VWA8: variants seen among roughly 807,000 people sequenced by gnomAD.
The protein encoded by VWA8 is von Willebrand factor A domain containing 8, also known as von Willebrand factor A domain-containing protein 8.
In VWA8, 221 loss-of-function variants were observed where a neutral mutation model predicts 241.5. That is an observed-to-expected ratio of 0.91 (90% CI 0.82 to 1.02). The LOEUF is 1.02. VWA8 is among the 50% of genes least tolerant of loss of function. VWA8 has a pLI of 0.00. For synonymous variants in VWA8, 852 were observed against 827.1 expected (o/e 1.03, Z -0.52); for missense variants, 2,322 against 2,328.7 (o/e 1.00, Z 0.06).
intron 2 of VWA8, among the ~76,000 whole-genome samples, chr13:41,923,395 T>G (rs368761049): frequency 1.3e-5 from 2 of 152,200 alleles, no homozygotes; most frequent in South Asian, 2.1e-4. Flanking sequence ...GTAACTAACC[T>G]GCACGTTGTG....
chr13:41,703,486 T>C, intron 26 of VWA8, 75 bp from the exon 27 acceptor site: 3 of 1,255,014 alleles, frequency 2.4e-6, no homozygotes, highest in African/African-American at 1.5e-5. Flanking sequence ...CGGCATCTAT[T>C]ATCAACCACA....
chr13:41,784,658 GTC>G (rs57574031), intron 18 of VWA8, among the ~76,000 whole-genome samples: 32 of 103,786 alleles, frequency 3.1e-4, no homozygotes, highest in Non-Finnish European at 4.3e-4. Flanking sequence ...GTGCAACCTT[GTC>G]TCTCTCTCTC....
intron 21 of VWA8, among the ~76,000 whole-genome samples, chr13:41,748,341 C>T (rs1169828999): frequency 3.3e-5 from 5 of 152,076 alleles, no homozygotes; most frequent in African/African-American, 7.2e-5. Context: ...GTGTATGTGT[C>T]GAGGAATTTA....
At chr13:41,718,372 C>G (rs369213633) in intron 26 of VWA8, among the ~76,000 whole-genome samples, 2 of 151,884 alleles carry the variant, frequency 1.3e-5, no homozygotes, top group Non-Finnish European at 2.9e-5. Context: ...CATTAAATTA[C>G]TGACCTAGTT....
At chr13:41,619,899 G>A (rs1348228639) in intron 37 of VWA8, among the ~76,000 whole-genome samples, 7 of 152,034 alleles carry the variant, frequency 4.6e-5, no homozygotes, top group African/African-American at 7.3e-5. Context: ...TTTTTGCATC[G>A]ATGTTCATCA....
At chr13:41,700,600 T>G (rs1006978315) in intron 28 of VWA8, among the ~76,000 whole-genome samples, 1 of 152,234 alleles carries the variant, frequency 6.6e-6, no homozygotes, top group Non-Finnish European at 1.5e-5. Flanking sequence ...AACTGTTTTC[T>G]CTTTTTGCAG....
At chr13:41,594,346 T>C (rs2044474960) in intron 40 of VWA8, among the ~76,000 whole-genome samples, 1 of 151,872 alleles carries the variant, frequency 6.6e-6, no homozygotes, top group East Asian at 1.9e-4. Flanking sequence ...CCCAGGTTGG[T>C]CTCAAACTCC....
At chr13:41,700,470 G>A (rs1282705465) in intron 28 of VWA8, among the ~76,000 whole-genome samples, 1 of 151,938 alleles carries the variant, frequency 6.6e-6, no homozygotes, top group Non-Finnish European at 1.5e-5. Context: ...TATAATTTAT[G>A]GATCTTTCAT....
In VWA8 at chr13:41,904,178, T is replaced by C. The variant is rs201350171; in HGVS notation, c.483+3408A>G. Among the ~76,000 whole-genome samples, 14 of 152,332 alleles carry C rather than the reference T, an allele frequency of 9.2e-5. No individual in the cohort carries two copies. In the East Asian group the frequency reaches 2.7e-3, roughly 29 times the overall value. ...GTTTCATCTAAATAATTTACTATAA[T>C]GGTCCAACAAATAAATCTTTAGATA... is the stretch of plus-strand genomic sequence containing the variant. On this transcript the variant is annotated intron_variant, in intron 4 of 44. Coordinates refer to ENST00000379310, the MANE Select transcript of VWA8 (RefSeq NM_015058.2).
intron 40 of VWA8, among the ~76,000 whole-genome samples, chr13:41,602,919 G>A (rs1446129626): frequency 6.6e-6 from 1 of 152,066 alleles, no homozygotes; most frequent in Non-Finnish European, 1.5e-5. Flanking sequence ...TCTAAAGACG[G>A]AAGTTCTACA....
intron 2 of VWA8, among the ~76,000 whole-genome samples, chr13:41,930,714 C>T (rs1877064619): frequency 1.3e-5 from 2 of 152,138 alleles, no homozygotes; most frequent in South Asian, 2.1e-4. Flanking sequence ...ATAAGATATA[C>T]ATTAAACACA....
chr13:41,928,689 A>T (rs1463120056), intron 2 of VWA8, among the ~76,000 whole-genome samples: 1 of 152,164 alleles, frequency 6.6e-6, no homozygotes, highest in Admixed American at 6.5e-5. Flanking sequence ...CGAAAAAAAG[A>T]AATAAACCCA....
chr13:41,770,081 A>T (rs2045807909), intron 20 of VWA8, among the ~76,000 whole-genome samples: 1 of 152,198 alleles, frequency 6.6e-6, no homozygotes, highest in Non-Finnish European at 1.5e-5. Context: ...CGAAGATGAG[A>T]GTAAGAGGCA....
chr13:41,662,625 C>G (rs992670043), intron 37 of VWA8, among the ~76,000 whole-genome samples: 1 of 150,526 alleles, frequency 6.6e-6, no homozygotes, highest in Non-Finnish European at 1.5e-5. Flanking sequence ...TTTCTTCCTT[C>G]CTAATCTGGA....
intron 19 of VWA8, among the ~76,000 whole-genome samples, chr13:41,778,970 T>C (rs887744118): frequency 3.3e-5 from 5 of 149,318 alleles, no homozygotes; most frequent in Non-Finnish European, 7.4e-5. Flanking sequence ...GCCTCCCGAG[T>C]AGCTGGGACT....
intron 2 of VWA8, among the ~76,000 whole-genome samples, chr13:41,921,724 C>A (rs887235276): frequency 6.6e-6 from 1 of 152,186 alleles, no homozygotes. Flanking sequence ...ATCCAACTTA[C>A]AAGGGATGTG....
At chr13:41,771,726 A>G (rs1019371776) in intron 20 of VWA8, among the ~76,000 whole-genome samples, 1 of 151,870 alleles carries the variant, frequency 6.6e-6, no homozygotes, top group African/African-American at 2.4e-5. Context: ...CTACAGGTGC[A>G]TGCCACCATG....
intron 40 of VWA8, among the ~76,000 whole-genome samples, chr13:41,601,118 A>C (rs2044518560): frequency 2.0e-5 from 3 of 152,166 alleles, no homozygotes; most frequent in Admixed American, 1.3e-4. Flanking sequence ...CTGTCTGGTT[A>C]ATACTTGTGT....
chr13:41,653,668 A>C (rs2044883085), intron 37 of VWA8, among the ~76,000 whole-genome samples: 1 of 152,232 alleles, frequency 6.6e-6, no homozygotes. Flanking sequence ...CTATACTACA[A>C]GGCTACAGTA....
Sources: gnomAD v4.1 joint callset for allele counts (sites outside exome capture counted in the v4.1 genomes callset) on GRCh38, gnomAD v4.1.1 for gene constraint, MANE v1.5 for transcripts, NCBI Gene and HGNC (gene_info 2026-07-23, HGNC 2026-07-21) for gene names.